ADA2: variants seen among roughly 807,000 people sequenced by gnomAD.
ADA2 encodes the protein adenosine deaminase CECR1.
A neutral mutation model predicts 44.2 loss-of-function variants in ADA2; 29 were observed. That is an observed-to-expected ratio of 0.66 (90% CI 0.49 to 0.89). The LOEUF (loss-of-function observed/expected upper bound fraction) is 0.89, where lower values mean the gene tolerates loss of function less well. Ranked by LOEUF, ADA2 falls within the 40% of genes least tolerant of loss-of-function variation. The pLI is 0.00. For missense variants in ADA2, 637 were observed against 644.8 expected (o/e 0.99, Z 0.13); for synonymous variants, 215 against 234.9 (o/e 0.92, Z 0.77).
rs536227581 is a variant in ADA2, at chr22:17,208,821, T to TA, written c.322+534dup. Among the ~76,000 whole-genome samples the TA allele has an allele frequency of 1.4e-4, 19 of 136,942 alleles. 1 individual carries two copies. Among genetic ancestry groups the TA allele is most frequent in the Middle Eastern group, 3.6e-3 (1 of 278 alleles). The allele number at this position is 136,942 out of a possible 152,430, so 89.8% of individuals were successfully genotyped here. The stretch of plus-strand genomic sequence containing the variant: ...CTGTCTCAAAAAAAATTTTTTTTAA[T>TA]AAAAAAAAAAATTAACATTTTTTGG... On this transcript the variant is annotated intron_variant, in intron 2 of 9. Coordinates refer to ENST00000399837, the MANE Select transcript of ADA2 (RefSeq NM_001282225.2).
chr22:17,209,435 T>G lies in ADA2; in HGVS notation c.243A>C (p.Pro81=). The change falls in exon 2 of 10, where the codon CCA becomes CCC. Residue 81 remains proline (P), a synonymous_variant. Transcript: ENST00000399837. ...MKEAMRTLIF[P]PSMHFFQAKH... is the part of the protein sequence containing the mutation. ...TGGCCTGGAAAAAGTGCATGCTGGG[T>G]GGGAATATCAGGGTCCTCATGGCCT... The G allele has an allele frequency of 6.2e-7, 1 of 1,614,044 alleles. No homozygotes were observed. Among genetic ancestry groups the G allele is most frequent in the Non-Finnish European group, 8.5e-7 (1 of 1,180,032 alleles).
At chr22:17,201,398 T>C (rs1314688580) in intron 4 of ADA2, among the ~76,000 whole-genome samples, 2 of 152,120 alleles carry the variant, frequency 1.3e-5, no homozygotes, top group Non-Finnish European at 2.9e-5. Flanking sequence ...TCGGAGCGTA[T>C]AAAAGCCTAC....
chr22:17,182,142 T>C (rs2061978426), intron 8 of ADA2, 120 bp from the exon 9 acceptor site: 2 of 750,420 alleles, frequency 2.7e-6, no homozygotes, highest in Admixed American at 5.3e-5. Context: ...ATCTCCCCAG[T>C]ATGGGGATGA....
chr22:17,203,063 C>T (rs1448872594), intron 4 of ADA2, among the ~76,000 whole-genome samples: 1 of 152,102 alleles, frequency 6.6e-6, no homozygotes, highest in African/African-American at 2.4e-5. Context: ...TGTGAGCCAC[C>T]ATGCCCGGCC....
Position 17,209,641 on chromosome 22 carries a change from A to G in ADA2, c.37T>C (p.Cys13Arg). 1.2e-6 allele frequency: 2 copies of G among 1,613,948 alleles called. No homozygotes were observed. The highest frequency in any genetic ancestry group is 1.3e-5 in the African/African-American group (1 of 75,054). The change falls in exon 2 of 10, where the codon TGC (cysteine) becomes CGC (arginine). Residue 13 changes from cysteine (C) to arginine (R), a missense_variant. Coordinates refer to ENST00000399837, the MANE Select transcript of ADA2 (RefSeq NM_001282225.2). ...VDGPSERPAL[C>R]FLLLAVAMSF... ...ATTGCCACAGCCAACAGCAAGAAGCACAGGGCTGGCCGCTCAGATGGGCCA... is the reference window on the plus strand; with the variant it reads ...ATTGCCACAGCCAACAGCAAGAAGCGCAGGGCTGGCCGCTCAGATGGGCCA...
chr22:17,201,967 CTTTTTTTTTTTTTTT>C (rs71200247), intron 4 of ADA2, among the ~76,000 whole-genome samples: 3 of 103,122 alleles, frequency 2.9e-5, no homozygotes, highest in Non-Finnish European at 5.6e-5. Flanking sequence ...TTTCTTTTTT[CTTTTTTTTTTTTTTT>C]TTTTTTTGAG....
chr22:17,208,422 T>A (rs1200054385), intron 2 of ADA2, among the ~76,000 whole-genome samples: 9 of 110,694 alleles, frequency 8.1e-5, no homozygotes, highest in Non-Finnish European at 1.6e-4. Context: ...AGACTCCGTC[T>A]CAAAAAAAAA....
At chr22:17,214,143 C>A in intron 1 of ADA2, 1 of 733,140 alleles carries the variant, frequency 1.4e-6, no homozygotes, top group South Asian at 1.4e-5. Flanking sequence ...TTCCCAGAGT[C>A]AGCTGGACGA....
intron 4 of ADA2, chr22:17,199,444 C>CCTCCCTCCCCTCCTCTATCCTCTTCCT: frequency 9.0e-7 from 1 of 1,108,398 alleles, no homozygotes; most frequent in African/African-American, 1.5e-5. Flanking sequence ...ATCCTCTTCC[C>CCTCCCTCCCCTCCTCTATCCTCTTCCT]CTCCACCCAC....
chr22:17,208,360 G>A (rs1287605847), intron 2 of ADA2, among the ~76,000 whole-genome samples: 2 of 148,968 alleles, frequency 1.3e-5, no homozygotes, highest in African/African-American at 5.0e-5. Flanking sequence ...GAAGAAGGAT[G>A]TTGCAGTGAG....
intron 1 of ADA2, among the ~76,000 whole-genome samples, chr22:17,210,535 C>A (rs2062408108): frequency 6.6e-6 from 1 of 151,896 alleles, no homozygotes; most frequent in Non-Finnish European, 1.5e-5. Context: ...CAAGCCCTGG[C>A]TCATGCATAA....
At chr22:17,209,074 C>T (rs1480409423) in intron 2 of ADA2, among the ~76,000 whole-genome samples, 1 of 151,970 alleles carries the variant, frequency 6.6e-6, no homozygotes, top group Non-Finnish European at 1.5e-5. Flanking sequence ...CACATTGTAT[C>T]CTATGTGGTA....
chr22:17,199,416 T>TCCTCACTCCCCTCCTCTATCCTCTTCC, intron 4 of ADA2: 4 of 429,642 alleles, frequency 9.3e-6, no homozygotes, highest in East Asian at 3.9e-5. Flanking sequence ...TCTCAGCGTC[T>TCCTCACTCCCCTCCTCTATCCTCTTCC]CCTCCCTCCC....
chr22:17,209,655 T>C lies in ADA2; in HGVS notation c.23A>G (p.Glu8Gly), dbSNP rs755136536. 2 of 1,612,950 alleles carry C rather than the reference T, an allele frequency of 1.2e-6. No individual in the cohort carries two copies. Among genetic ancestry groups the C allele is most frequent in the South Asian group, 2.2e-5 (2 of 91,060 alleles). Reference sequence around the variant, plus strand: ...CAGCAAGAAGCACAGGGCTGGCCGCTCAGATGGGCCATCCACCAACATCGG... The same window carrying C: ...CAGCAAGAAGCACAGGGCTGGCCGCCCAGATGGGCCATCCACCAACATCGG... The part of the protein sequence containing the change: MLVDGPS[E>G]RPALCFLLLA... The change falls in exon 2 of 10, where the codon GAG becomes GGG. Residue 8 changes from glutamate (E) to glycine (G), a missense_variant. Coordinates refer to ENST00000399837, the MANE Select transcript of ADA2 (RefSeq NM_001282225.2).
rs2062117653 is a variant in ADA2, at chr22:17,191,746, G to A, written c.818C>T (p.Ala273Val). The A allele has an allele frequency of 6.2e-7, 1 of 1,613,586 alleles. No individual in the cohort carries two copies. The highest frequency in any genetic ancestry group is 1.1e-5 in the South Asian group (1 of 91,066). The change falls in exon 5 of 10, where the codon GCT becomes GTT. Residue 273 changes from alanine (A) to valine (V), a missense_variant. Coordinates refer to ENST00000399837, the MANE Select transcript of ADA2 (RefSeq NM_001282225.2). Reference sequence around the variant, plus strand: ...AGGGTGAGTTTCCACAAACTTCTGAGCTACTTCCTGGTAAGTCTTCACTGA... The same window carrying A: ...AGGGTGAGTTTCCACAAACTTCTGAACTACTTCCTGGTAAGTCTTCACTGA... Reference protein sequence around the residue: ...EWSVKTYQEVAQKFVETHPEF... With the variant: ...EWSVKTYQEVVQKFVETHPEF...
chr22:17,200,262 G>C (rs2062261748), intron 4 of ADA2, among the ~76,000 whole-genome samples: 1 of 152,132 alleles, frequency 6.6e-6, no homozygotes, highest in African/African-American at 2.4e-5. Flanking sequence ...ACCTAGGCCA[G>C]GAGCAAAGTC....
Position 17,182,639 on chromosome 22 carries a change from C to G in ADA2, c.1204G>C (p.Asp402His). The change falls in exon 8 of 10, where the codon GAC becomes CAC. Residue 402 changes from aspartate to histidine, a missense_variant. Coordinates refer to ENST00000399837, the MANE Select transcript of ADA2 (RefSeq NM_001282225.2). Reference protein sequence around the residue: ...PAVRTYSWKKDIPIEVCPISN... With the variant: ...PAVRTYSWKKHIPIEVCPISN... ...ATGGGACAGACTTCTATGGGGATGT[C>G]CTTTTTCCAGGAGTAAGTCCTGACT... 1 of 1,614,182 alleles carries G rather than the reference C, an allele frequency of 6.2e-7. No individual in the cohort carries two copies. The highest frequency in any genetic ancestry group is 8.5e-7 in the Non-Finnish European group (1 of 1,180,038).
At chr22:17,210,651 G>T (rs1308940372) in intron 1 of ADA2, among the ~76,000 whole-genome samples, 1 of 151,856 alleles carries the variant, frequency 6.6e-6, no homozygotes, top group Non-Finnish European at 1.5e-5. Context: ...AGGCTGGACT[G>T]CAGTGACGTG....
chr22:17,216,850 A>G (rs1401191908), intron 1 of ADA2, among the ~76,000 whole-genome samples: 2 of 152,046 alleles, frequency 1.3e-5, no homozygotes. Flanking sequence ...TAAATAAATA[A>G]CAAATATAAC....
Sources: gnomAD v4.1 joint callset for allele counts (sites outside exome capture counted in the v4.1 genomes callset) on GRCh38, gnomAD v4.1.1 for gene constraint, MANE v1.5 for transcripts, NCBI Gene and HGNC (gene_info 2026-07-23, HGNC 2026-07-21) for gene names.